Variants in LRIF1 observed in about 807,000 individuals in gnomAD.
The protein encoded by LRIF1 is ligand-dependent nuclear receptor-interacting factor 1.
A neutral mutation model predicts 52.7 loss-of-function variants in LRIF1; 32 were observed. The observed-to-expected ratio is 0.61, with a 90% CI of 0.46 to 0.82. LRIF1 has a LOEUF of 0.82. Ranked by LOEUF, LRIF1 falls within the 40% of genes least tolerant of loss-of-function variation. The pLI is 0.00. For synonymous variants in LRIF1, 323 were observed against 317.4 expected (o/e 1.02, Z -0.19); for missense variants, 887 against 892.0 (o/e 0.99, Z 0.07).
the LRIF1 span, among the ~76,000 whole-genome samples, chr1:110,920,613 G>A: frequency 1.6e-4 from 25 of 152,232 alleles, no homozygotes; most frequent in South Asian, 4.1e-3. Context: ...TGGTAGATAC[G>A]TGTCATTATA....
the LRIF1 span, among the ~76,000 whole-genome samples, chr1:110,876,488 T>G: frequency 8.5e-5 from 13 of 152,212 alleles, no homozygotes; most frequent in African/African-American, 3.1e-4. Flanking sequence ...CAAACCTTTT[T>G]GTTTGGCCTT....
At chr1:110,913,130 G>A in the LRIF1 span, among the ~76,000 whole-genome samples, 1 of 152,218 alleles carries the variant, frequency 6.6e-6, no homozygotes, top group Non-Finnish European at 1.5e-5. Context: ...ACACAAGACT[G>A]AAACTGGACC....
At chr1:110,962,096 A>ACACACAC (rs1553212108) in intron 1 of LRIF1, among the ~76,000 whole-genome samples, 2 of 151,546 alleles carry the variant, frequency 1.3e-5, no homozygotes, top group African/African-American at 2.4e-5. Context: ...ACACACACAC[A>ACACACAC]AAGTAAAGTT....
chr1:110,915,922 T>A, the LRIF1 span, among the ~76,000 whole-genome samples: 2 of 152,338 alleles, frequency 1.3e-5, no homozygotes, highest in East Asian at 3.9e-4. Context: ...GATGCCTGAC[T>A]GACAACAGCA....
the LRIF1 span, chr1:110,896,820 C>T: frequency 8.9e-7 from 1 of 1,121,598 alleles, no homozygotes; most frequent in Non-Finnish European, 1.3e-6. Context: ...AGGACCTAGA[C>T]CTTCTATTGA....
chr1:110,921,607 T>A, the LRIF1 span, among the ~76,000 whole-genome samples: 1 of 152,156 alleles, frequency 6.6e-6, no homozygotes. Context: ...ATAATAGCAA[T>A]TTAAAAAATG....
chr1:110,932,725 T>C, the LRIF1 span, among the ~76,000 whole-genome samples: 1 of 152,206 alleles, frequency 6.6e-6, no homozygotes, highest in South Asian at 2.1e-4. Context: ...AAGTATCTTC[T>C]TTGGAGGCTA....
the LRIF1 span, among the ~76,000 whole-genome samples, chr1:110,883,072 C>G: frequency 6.6e-6 from 1 of 151,782 alleles, no homozygotes; most frequent in Non-Finnish European, 1.5e-5. Flanking sequence ...TTTGCACTGC[C>G]TAGAAACTCC....
At chr1:110,899,285 A>G in the LRIF1 span, 3 of 903,288 alleles carry the variant, frequency 3.3e-6, no homozygotes, top group Admixed American at 2.0e-5. Context: ...TCACTGCAGG[A>G]TGATCCTCCT....
the LRIF1 span, among the ~76,000 whole-genome samples, chr1:110,877,281 T>G: frequency 6.6e-6 from 1 of 152,212 alleles, no homozygotes; most frequent in African/African-American, 2.4e-5. Flanking sequence ...TTATTTAAAT[T>G]TTTGATAGGA....
chr1:110,876,174 C>T, the LRIF1 span, among the ~76,000 whole-genome samples: 2 of 152,292 alleles, frequency 1.3e-5, no homozygotes, highest in East Asian at 1.9e-4. Flanking sequence ...TAGGAGCTGT[C>T]GCAACTGTCC....
At chr1:110,913,061 G>T in the LRIF1 span, among the ~76,000 whole-genome samples, 1 of 152,034 alleles carries the variant, frequency 6.6e-6, no homozygotes, top group South Asian at 2.1e-4. Flanking sequence ...ACAATAACAA[G>T]CAATGGGGAA....
At chr1:110,896,553 TAG>T in the LRIF1 span, 12 of 1,070,076 alleles carry the variant, frequency 1.1e-5, no homozygotes, top group Non-Finnish European at 1.7e-5. Flanking sequence ...ACTTCTGCTA[TAG>T]AGTCAGATCT....
the LRIF1 span, among the ~76,000 whole-genome samples, chr1:110,914,242 C>G: frequency 2.6e-5 from 4 of 151,898 alleles, no homozygotes; most frequent in African/African-American, 4.8e-5. Flanking sequence ...GTTTGTACAT[C>G]AAACCCCAGC....
At chr1:110,913,831 C>T in the LRIF1 span, among the ~76,000 whole-genome samples, 2 of 152,128 alleles carry the variant, frequency 1.3e-5, no homozygotes, top group South Asian at 4.1e-4. Flanking sequence ...ACCAAAAAGA[C>T]ACACACACTT....
the LRIF1 span, among the ~76,000 whole-genome samples, chr1:110,887,975 T>C: frequency 1.8e-4 from 28 of 152,292 alleles, no homozygotes; most frequent in African/African-American, 5.3e-4. Context: ...GTGGTTCTTA[T>C]CTAATCATAT....
the LRIF1 span, among the ~76,000 whole-genome samples, chr1:110,882,142 A>G: frequency 6.6e-6 from 1 of 152,128 alleles, no homozygotes; most frequent in African/African-American, 2.4e-5. Context: ...TTATCAACTT[A>G]TTGTGCTTTT....
At chr1:110,934,491 G>T in the LRIF1 span, among the ~76,000 whole-genome samples, 10 of 152,310 alleles carry the variant, frequency 6.6e-5, no homozygotes, top group African/African-American at 2.4e-4. Flanking sequence ...CTCAGGCTGG[G>T]CAAGATTCAC....
intron 1 of LRIF1, 70 bp downstream of exon 1, chr1:110,963,551 G>A: frequency 7.4e-7 from 1 of 1,358,772 alleles, no homozygotes; most frequent in East Asian, 2.4e-5. Context: ...GTCCGGAAAC[G>A]ACGGCCGACT....
Sources: allele counts gnomAD v4.1 joint callset (sites outside exome capture counted in the v4.1 genomes callset), GRCh38; gene constraint gnomAD v4.1.1; transcripts MANE v1.5; gene names NCBI Gene and HGNC (gene_info 2026-07-23, HGNC 2026-07-21).